Variants in ZCCHC7 observed in about 807,000 individuals in gnomAD.
ZCCHC7 encodes the protein zinc finger CCHC domain-containing protein 7.
ZCCHC7 carries 35 observed loss-of-function variants against 52.0 expected under a neutral mutation model. That is an observed-to-expected ratio of 0.67 (90% confidence interval 0.51 to 0.89). The LOEUF (loss-of-function observed/expected upper bound fraction) is 0.89, where lower values mean the gene tolerates loss of function less well. ZCCHC7 is among the 40% of genes least tolerant of loss of function. The pLI is 0.00. For missense variants in ZCCHC7, 574 were observed against 649.1 expected (o/e 0.88, Z 1.26); for synonymous variants, 217 against 221.5 (o/e 0.98, Z 0.18).
chr9:37,305,194 T>C (rs905936660), intron 4 of ZCCHC7, among the ~76,000 whole-genome samples: 1 of 152,208 alleles, frequency 6.6e-6, no homozygotes, highest in Non-Finnish European at 1.5e-5. Context: ...TTCTTGCTTC[T>C]CCAGTCAAAA....
intron 2 of ZCCHC7, among the ~76,000 whole-genome samples, chr9:37,225,522 T>C (rs752731680): frequency 2.6e-5 from 4 of 152,084 alleles, no homozygotes; most frequent in African/African-American, 4.8e-5. Context: ...TTCATGAATA[T>C]AGACACAAAA....
At chr9:37,168,712 A>G (rs142281151) in intron 2 of ZCCHC7, among the ~76,000 whole-genome samples, 33 of 152,282 alleles carry the variant, frequency 2.2e-4, no homozygotes, top group Admixed American at 7.8e-4. Context: ...AGCCCTAGCA[A>G]CATAACAAGA....
At chr9:37,304,016 T>C (rs1373586627) in intron 3 of ZCCHC7, among the ~76,000 whole-genome samples, 172 bp from the exon 4 acceptor site, 1 of 152,194 alleles carries the variant, frequency 6.6e-6, no homozygotes, top group African/African-American at 2.4e-5. Flanking sequence ...TGTGGCTAGG[T>C]TCTAAGTTGA....
intron 2 of ZCCHC7, among the ~76,000 whole-genome samples, chr9:37,172,399 A>G (rs1329145156): frequency 6.6e-6 from 1 of 152,208 alleles, no homozygotes; most frequent in Non-Finnish European, 1.5e-5. Context: ...ACTTTTAAAC[A>G]TTCACTTTCC....
intron 2 of ZCCHC7, among the ~76,000 whole-genome samples, chr9:37,295,047 A>G (rs909867888): frequency 2.0e-4 from 30 of 152,194 alleles, no homozygotes; most frequent in African/African-American, 7.2e-4. Context: ...TGATGTTTGG[A>G]AGATATAAAG....
intron 2 of ZCCHC7, among the ~76,000 whole-genome samples, chr9:37,296,322 G>A (rs1828781200): frequency 1.3e-5 from 2 of 152,292 alleles, no homozygotes; most frequent in South Asian, 4.1e-4. Flanking sequence ...AGAAGGTGTG[G>A]ACAATAAGTT....
At chr9:37,174,254 A>G (rs1451922367) in intron 2 of ZCCHC7, among the ~76,000 whole-genome samples, 1 of 152,146 alleles carries the variant, frequency 6.6e-6, no homozygotes, top group Non-Finnish European at 1.5e-5. Context: ...GGTTGCGGTG[A>G]GCTGAGATCA....
At position 37,347,115 on chromosome 9, in the gene ZCCHC7, G is replaced by A. The variant is rs115152009; in HGVS notation, c.988-2242G>A. Among the ~76,000 whole-genome samples, 522 of 152,272 alleles carry A rather than the reference G, an allele frequency of 3.4e-3. 4 individuals carry two copies. The highest frequency in any genetic ancestry group is 0.012 in the African/African-American group (494 of 41,554). ...ACTTTTCTTCCAGTCTCCACAAAGC[G>A]TGGGGGTGTGCAGGGGTTAGGTTTT... On this transcript the variant is annotated intron_variant, in intron 6 of 8. Transcript: ENST00000336755.
chr9:37,123,313 C>T (rs1842407200), intron 1 of ZCCHC7, among the ~76,000 whole-genome samples: 1 of 151,972 alleles, frequency 6.6e-6, no homozygotes, highest in South Asian at 2.1e-4. Context: ...GTAATTAAAG[C>T]AGTAACATTA....
chr9:37,234,178 A>G (rs78709871), intron 2 of ZCCHC7, among the ~76,000 whole-genome samples: 2,530 of 152,170 alleles, frequency 0.017, 36 homozygotes, highest in Middle Eastern at 0.024. Flanking sequence ...CAGGATAGGG[A>G]TTTATTGACT....
At chr9:37,120,224 T>A (rs540939003), upstream of ZCCHC7, among the ~76,000 whole-genome samples, 306 of 152,146 alleles carry the variant, frequency 2.0e-3, 1 homozygote, top group Middle Eastern at 0.017. Context: ...CTCGCCCGTG[T>A]CCTCATGGGG....
In ZCCHC7 at chr9:37,327,714, G is replaced by A. The variant is rs557806835; in HGVS notation, c.952-85G>A. The A allele has an allele frequency of 1.8e-5, 26 of 1,429,490 alleles. No individual in the cohort carries two copies. In the Middle Eastern group the frequency reaches 5.3e-4, roughly 29 times the overall value. The allele number at this position is 1,429,490 out of a possible 1,614,324, so 88.6% of individuals were successfully genotyped here. A position where few individuals can be genotyped will look rare whatever the true frequency, so the allele number is the denominator to read the frequency against. On this transcript the variant is annotated intron_variant, in intron 5 of 8. Coordinates refer to ENST00000336755, the MANE Select transcript of ZCCHC7 (RefSeq NM_032226.3). Reference sequence around the variant, plus strand: ...TTCTTATTTTCCTGTGACCGACACCGGTGGATGCTGGGTTATGCCAAAACC... The same window carrying A: ...TTCTTATTTTCCTGTGACCGACACCAGTGGATGCTGGGTTATGCCAAAACC...
chr9:37,148,056 G>A (rs1255518537), intron 2 of ZCCHC7, among the ~76,000 whole-genome samples: 2 of 152,034 alleles, frequency 1.3e-5, no homozygotes, highest in East Asian at 1.9e-4. Flanking sequence ...CAGTATTATT[G>A]TTGTTTTAAC....
chr9:37,173,702 G>T (rs1821864119), intron 2 of ZCCHC7, among the ~76,000 whole-genome samples: 1 of 152,040 alleles, frequency 6.6e-6, no homozygotes, highest in Non-Finnish European at 1.5e-5. Flanking sequence ...TTTGTTAATG[G>T]TACAGTTGGT....
chr9:37,311,702 C>T (rs1829609914), intron 5 of ZCCHC7, among the ~76,000 whole-genome samples: 2 of 152,168 alleles, frequency 1.3e-5, no homozygotes, highest in Non-Finnish European at 2.9e-5. Flanking sequence ...TGAGCTACTG[C>T]GCCCGGCCTT....
intron 2 of ZCCHC7, among the ~76,000 whole-genome samples, chr9:37,261,341 C>T (rs966967009): frequency 2.0e-5 from 3 of 152,196 alleles, no homozygotes; most frequent in Non-Finnish European, 4.4e-5. Context: ...TCAAAGTCAA[C>T]ACACAGACCC....
At chr9:37,141,930 A>G (rs1371280258) in intron 2 of ZCCHC7, among the ~76,000 whole-genome samples, 3 of 151,842 alleles carry the variant, frequency 2.0e-5, no homozygotes, top group South Asian at 2.1e-4. Context: ...TTGAAGTGCT[A>G]TGGCAATTTA....
intron 2 of ZCCHC7, among the ~76,000 whole-genome samples, chr9:37,142,368 G>C (rs1042201333): frequency 6.6e-6 from 1 of 151,634 alleles, no homozygotes; most frequent in Non-Finnish European, 1.5e-5. Context: ...TGGGAATTGG[G>C]GTAAGGGCAA....
intron 2 of ZCCHC7, among the ~76,000 whole-genome samples, chr9:37,176,949 T>G (rs1057426896): frequency 5.9e-5 from 9 of 152,228 alleles, no homozygotes; most frequent in East Asian, 3.8e-4. Flanking sequence ...TTGTTTGTTT[T>G]TTTAAACTAC....
Sources: allele counts gnomAD v4.1 joint callset (sites outside exome capture counted in the v4.1 genomes callset), GRCh38; gene constraint gnomAD v4.1.1; transcripts MANE v1.5; gene names NCBI Gene and HGNC (gene_info 2026-07-23, HGNC 2026-07-21).